The following AMPH variants were observed in gnomAD, a reference collection of about 807,000 sequenced individuals.
AMPH encodes the protein amphiphysin (Stiff-Mann syndrome with breast cancer 128kD autoantigen).
AMPH carries 49 observed loss-of-function variants against 99.1 expected under a neutral mutation model. The ratio of observed to expected loss-of-function variants is 0.49; its 90% CI spans 0.39 to 0.63. The LOEUF (loss-of-function observed/expected upper bound fraction) is 0.63, where lower values mean the gene tolerates loss of function less well. AMPH is among the 20% of genes least tolerant of loss of function. AMPH has a pLI of 0.00. For missense variants in AMPH, 759 were observed against 863.4 expected (o/e 0.88, Z 1.52); for synonymous variants, 314 against 317.3 (o/e 0.99, Z 0.11).
chr7:38,524,151 T>C (rs1281475372), intron 2 of AMPH, among the ~76,000 whole-genome samples: 1 of 152,124 alleles, frequency 6.6e-6, no homozygotes, highest in African/African-American at 2.4e-5. Context: ...AGAAGCTAAT[T>C]ATTAACACGA....
intron 20 of AMPH, among the ~76,000 whole-genome samples, chr7:38,389,516 T>C (rs1452879887): frequency 6.6e-6 from 1 of 152,176 alleles, no homozygotes; most frequent in African/African-American, 2.4e-5. Context: ...ATTCATAGTG[T>C]CTGCATTTCC....
At chr7:38,612,087 C>CTT (rs56111676) in intron 1 of AMPH, among the ~76,000 whole-genome samples, 6 of 97,386 alleles carry the variant, frequency 6.2e-5, no homozygotes, top group East Asian at 5.5e-4. Flanking sequence ...TTGTCTTCTT[C>CTT]TTTTTTTTTT....
chr7:38,601,749 G>T (rs753178111), intron 1 of AMPH, among the ~76,000 whole-genome samples: 42 of 152,174 alleles, frequency 2.8e-4, no homozygotes, highest in Non-Finnish European at 4.4e-5. Flanking sequence ...TTGTCTGAGT[G>T]ACTCAAGCTC....
intron 1 of AMPH, among the ~76,000 whole-genome samples, chr7:38,552,269 C>A (rs1791205478): frequency 6.6e-6 from 1 of 152,224 alleles, no homozygotes; most frequent in Non-Finnish European, 1.5e-5. Context: ...GGACCCCCTG[C>A]ACTTCAGAAA....
At chr7:38,427,872 A>AATCC in intron 14 of AMPH, 2 of 456,596 alleles carry the variant, frequency 4.4e-6, no homozygotes, top group Non-Finnish European at 8.8e-6. Flanking sequence ...TTGGTACAAC[A>AATCC]ATCCATATCT....
chr7:38,509,193 T>C (rs894747253), intron 2 of AMPH, among the ~76,000 whole-genome samples: 1 of 152,178 alleles, frequency 6.6e-6, no homozygotes, highest in Non-Finnish European at 1.5e-5. Context: ...TTCACAGATA[T>C]TAATGCAGAA....
intron 1 of AMPH, among the ~76,000 whole-genome samples, chr7:38,546,828 C>T (rs1232865129): frequency 2.6e-5 from 4 of 152,170 alleles, no homozygotes; most frequent in Middle Eastern, 3.2e-3. Flanking sequence ...TCTGTAAATA[C>T]TGGCAGACAC....
chr7:38,530,662 A>G (rs1260855990), intron 2 of AMPH, among the ~76,000 whole-genome samples: 1 of 152,202 alleles, frequency 6.6e-6, no homozygotes, highest in East Asian at 1.9e-4. Context: ...GTTTATTAGC[A>G]GGAAGGAGGG....
At chr7:38,411,630 A>C (rs942237997) in intron 17 of AMPH, among the ~76,000 whole-genome samples, 5 of 152,174 alleles carry the variant, frequency 3.3e-5, no homozygotes, top group African/African-American at 1.2e-4. Flanking sequence ...CAACACTGCC[A>C]CCTGTAGGGG....
chr7:38,417,136 A>T (rs1036999423), intron 17 of AMPH, among the ~76,000 whole-genome samples: 1 of 152,194 alleles, frequency 6.6e-6, no homozygotes, highest in Non-Finnish European at 1.5e-5. Context: ...GGTACTCTAC[A>T]CTTTCATGGG....
At chr7:38,442,058 A>G (rs550381740) in intron 11 of AMPH, among the ~76,000 whole-genome samples, 2 of 151,904 alleles carry the variant, frequency 1.3e-5, no homozygotes, top group South Asian at 4.2e-4. Flanking sequence ...TTGAGAACAC[A>G]TGGACACATA....
At chr7:38,609,834 T>C (rs1793564695) in intron 1 of AMPH, among the ~76,000 whole-genome samples, 2 of 152,130 alleles carry the variant, frequency 1.3e-5, no homozygotes, top group African/African-American at 4.8e-5. Context: ...TTACAGATCA[T>C]ACAGACAGCA....
chr7:38,391,768 G>A lies in AMPH; in HGVS notation c.1858C>T (p.Pro620Ser), dbSNP rs183053116. 1.4e-5 allele frequency: 22 copies of A among 1,613,802 alleles called. No homozygotes were observed. In the East Asian group the frequency reaches 4.7e-4, roughly 34 times the overall value. ...ASAREASQEL[P>S]PGFLYKVETL... ...AATACCTTGTAGAGAAAGCCAGGAG[G>A]CAATTCCTGAGAGGCCTCCCTTGCA... Residue 620 changes from proline to serine, a missense_variant, in exon 19 of 21, where the codon CCT (proline) becomes TCT (serine). Transcript: ENST00000356264.
At chr7:38,479,741 T>C (rs1377378878) in intron 5 of AMPH, among the ~76,000 whole-genome samples, 1 of 149,268 alleles carries the variant, frequency 6.7e-6, no homozygotes, top group African/African-American at 2.4e-5. Context: ...AGGCAGCAAC[T>C]AAGAAATAAA....
chr7:38,619,543 A>G (rs1401108226), intron 1 of AMPH, among the ~76,000 whole-genome samples: 1 of 152,240 alleles, frequency 6.6e-6, no homozygotes, highest in Non-Finnish European at 1.5e-5. Flanking sequence ...ACACACATCT[A>G]TAGAACACTC....
intron 2 of AMPH, among the ~76,000 whole-genome samples, chr7:38,508,447 A>G (rs999109738): frequency 3.9e-5 from 6 of 152,224 alleles, no homozygotes; most frequent in African/African-American, 1.4e-4. Flanking sequence ...CTTTTGTTAT[A>G]AAAAGAAAAA....
In AMPH at chr7:38,583,177, G is replaced by C. The variant is rs1333224802; in HGVS notation, c.69+48106C>G. Reference sequence around the variant, plus strand: ...ATGAAGAGCCCAAGATTACATTTCTGTATCTCTGTGTAGTAAAAAGAACAG... The same window carrying C: ...ATGAAGAGCCCAAGATTACATTTCTCTATCTCTGTGTAGTAAAAAGAACAG... On this transcript the variant is annotated intron_variant, in intron 1 of 20. Coordinates refer to ENST00000356264, the MANE Select transcript of AMPH (RefSeq NM_001635.4). Among the ~76,000 whole-genome samples, 11 of 152,190 alleles carry C rather than the reference G, an allele frequency of 7.2e-5. 1 individual carries two copies.
intron 7 of AMPH, among the ~76,000 whole-genome samples, chr7:38,466,899 G>A (rs1277336347): frequency 6.6e-6 from 1 of 151,938 alleles, no homozygotes; most frequent in African/African-American, 2.4e-5. Flanking sequence ...TTCTTCTATG[G>A]CTTATCTTTA....
At chr7:38,589,665 C>A (rs1003176780) in intron 1 of AMPH, among the ~76,000 whole-genome samples, 5 of 152,126 alleles carry the variant, frequency 3.3e-5, no homozygotes, top group Non-Finnish European at 5.9e-5. Context: ...AAAATTATAT[C>A]TCTAAGAATA....
Sources: allele counts gnomAD v4.1 joint callset (sites outside exome capture counted in the v4.1 genomes callset), GRCh38; gene constraint gnomAD v4.1.1; transcripts MANE v1.5; gene names NCBI Gene and HGNC (gene_info 2026-07-23, HGNC 2026-07-21).